ENO4: variants seen among roughly 807,000 people sequenced by gnomAD.
ENO4 encodes enolase 4, also known as 2-phospho-D-glycerate hydro-lyase.
ENO4 carries 53 observed loss-of-function variants against 63.2 expected under a neutral mutation model. The observed-to-expected ratio is 0.84, with a 90% confidence interval of 0.67 to 1.05. ENO4 has a LOEUF of 1.05. Ranked by LOEUF, ENO4 falls within the 50% of genes least tolerant of loss-of-function variation. The pLI, the probability that ENO4 is intolerant of heterozygous loss-of-function variation, is 0.00. For missense variants in ENO4, 719 were observed against 772.0 expected, an observed-to-expected ratio of 0.93 and a Z score of 0.81; for synonymous variants, 266 against 283.8, an observed-to-expected ratio of 0.94 and a Z score of 0.63.
intron 12 of ENO4, 95 bp from the exon 13 acceptor site, chr10:116,879,774 C>T: frequency 1.1e-6 from 1 of 937,484 alleles, no homozygotes; most frequent in Non-Finnish European, 1.6e-6. Context: ...TCCCAAACAG[C>T]ACACTGTGAC....
chr10:116,855,685 AC>A lies in ENO4; in HGVS notation c.229del (p.Leu77Ter), dbSNP rs945723120. On this transcript the variant is annotated frameshift_variant, in exon 2 of 14. Coordinates refer to ENST00000341276, the MANE Select transcript of ENO4 (RefSeq NM_001242699.2). LOFTEE classifies it high-confidence loss of function. ...TICKIVGKDV[L>X]DGLGLPTLQV... Reference sequence around the variant, plus strand: ...TATGCAAAATAGTGGGGAAAGACGTACTAGATGGACTGGGGCTTCCAACCCT... The same window carrying A: ...TATGCAAAATAGTGGGGAAAGACGTATAGATGGACTGGGGCTTCCAACCCT... The A allele has an allele frequency of 2.1e-5, 32 of 1,536,440 alleles. No homozygotes were observed. Among genetic ancestry groups the A allele is most frequent in the Non-Finnish European group, 2.6e-5 (30 of 1,147,006 alleles).
chr10:116,876,692 T>G, intron 11 of ENO4, among the ~76,000 whole-genome samples: 2 of 152,356 alleles, frequency 1.3e-5, no homozygotes, highest in South Asian at 4.1e-4. Flanking sequence ...GGCTCATGCC[T>G]GTAATCCCAG....
At chr10:116,849,973 G>A in intron 1 of ENO4, 2 of 666,416 alleles carry the variant, frequency 3.0e-6, no homozygotes, top group South Asian at 1.5e-5. Context: ...GGCGCTAGGC[G>A]TATTTGACCT....
intron 11 of ENO4, 42 bp from the exon 12 acceptor site, chr10:116,879,245 CCTAA>C (rs1223627415): frequency 5.7e-6 from 8 of 1,409,016 alleles, no homozygotes; most frequent in East Asian, 2.5e-5. Context: ...CCACATGTAT[CCTAA>C]CTTTCTACAC....
In ENO4 at chr10:116,880,317, T is replaced by TA. The variant is rs1179898937; in HGVS notation, c.1723+334dup. Among the ~76,000 whole-genome samples the TA allele has an allele frequency of 2.6e-5, 4 of 152,358 alleles. No homozygotes were observed. In the East Asian group the frequency reaches 7.7e-4, roughly 29 times the overall value. ...GTTTCCCTGCACAGCCCATGAAAGT[T>TA]AAAGGCAGACACTTTCCTGAGGGTT... On this transcript the variant is annotated intron_variant, in intron 13 of 13. Transcript: ENST00000341276.
rs182075141 is a variant in ENO4, at chr10:116,852,132, C to T, written c.165+2401C>T. ...CTGATGGTTTTATAAGGGGCTTCCC[C>T]GCTTCACTTTGCACTTCTCCTTCCC... On this transcript the variant is annotated intron_variant, in intron 1 of 13. Transcript: ENST00000341276. 8.6e-4 allele frequency among the ~76,000 whole-genome samples: 131 copies of T among 152,250 alleles called. 1 individual carries two copies. The South Asian group carries it at 0.015, about 17-fold the overall frequency.
intron 10 of ENO4, among the ~76,000 whole-genome samples, chr10:116,895,907 C>T (rs1847500315): frequency 6.6e-6 from 1 of 152,074 alleles, no homozygotes; most frequent in South Asian, 2.1e-4. Flanking sequence ...AAATAATAAA[C>T]AAAAGCACCT....
At chr10:116,906,706 G>C in intron 10 of ENO4, 1 of 1,612,960 alleles carries the variant, frequency 6.2e-7, no homozygotes, top group South Asian at 1.1e-5. Context: ...CAGGGTCAAG[G>C]GATTTTAAGC....
intron 1 of ENO4, 44 bp from the exon 2 acceptor site, chr10:116,855,579 A>G: frequency 1.3e-6 from 2 of 1,535,612 alleles, no homozygotes; most frequent in Non-Finnish European, 1.7e-6. Flanking sequence ...TCCCCAAACA[A>G]CAACTTGAAC....
chr10:116,868,420 G>C (rs1451724294), intron 7 of ENO4, among the ~76,000 whole-genome samples: 1 of 152,194 alleles, frequency 6.6e-6, no homozygotes, highest in Non-Finnish European at 1.5e-5. Flanking sequence ...CAGAGGGTAA[G>C]GATGAACTAA....
exon 11 of ENO4, chr10:116,911,527 G>T: frequency 6.4e-7 from 1 of 1,550,608 alleles, no homozygotes; most frequent in Non-Finnish European, 8.7e-7. Flanking sequence ...GTGATGCCAG[G>T]ATTGGAGGGC....
chr10:116,888,958 G>A (rs148474825), intron 10 of ENO4, among the ~76,000 whole-genome samples: 3 of 152,240 alleles, frequency 2.0e-5, no homozygotes, highest in African/African-American at 4.8e-5. Context: ...TCTGCAGATT[G>A]AGTCACCAGT....
intron 1 of ENO4, among the ~76,000 whole-genome samples, chr10:116,854,277 G>C (rs1188197688): frequency 6.6e-6 from 1 of 152,092 alleles, no homozygotes; most frequent in East Asian, 1.9e-4. Flanking sequence ...ATGAGCCCAT[G>C]TGCCGGGCGC....
At position 116,851,886 on chromosome 10, in the gene ENO4, T is replaced by C. The variant is rs200453032; in HGVS notation, c.165+2155T>C. 1.5e-4 allele frequency among the ~76,000 whole-genome samples: 23 copies of C among 152,234 alleles called. No individual in the cohort carries two copies. The East Asian group carries it at 2.5e-3, about 17-fold the overall frequency. ...ACCACATCTCCCCCTTGACTGGCAC[T>C]GAAACACTATACCTCCTCCAGTGTT... On this transcript the variant is annotated intron_variant, in intron 1 of 13. Transcript: ENST00000341276.
intron 11 of ENO4, among the ~76,000 whole-genome samples, chr10:116,879,081 T>C (rs1468871832): frequency 6.6e-6 from 1 of 152,154 alleles, no homozygotes; most frequent in Admixed American, 6.5e-5. Flanking sequence ...AGTATTCATT[T>C]AGTATTTACA....
At chr10:116,865,090 A>G (rs1846516506) in intron 7 of ENO4, among the ~76,000 whole-genome samples, 1 of 152,044 alleles carries the variant, frequency 6.6e-6, no homozygotes, top group Non-Finnish European at 1.5e-5. Flanking sequence ...TGCACAAATC[A>G]TTCTGCAAAT....
Position 116,879,704 on chromosome 10 carries a change from A to G in ENO4, c.1606-165A>G, listed in dbSNP as rs75200470. 1.3e-3 allele frequency among the ~76,000 whole-genome samples: 194 copies of G among 152,362 alleles called. 1 individual carries two copies. Among genetic ancestry groups the G allele is most frequent in the African/African-American group, 4.4e-3 (182 of 41,596 alleles). The stretch of plus-strand genomic sequence containing the variant: ...CAGCCACATCATCTGTTTGCCTTTC[A>G]GCACTCTCAGCTTGTAGGCCACTGT... On this transcript the variant is annotated intron_variant, in intron 12 of 13. Transcript: ENST00000341276.
chr10:116,855,346 C>A (rs11596597), intron 1 of ENO4, among the ~76,000 whole-genome samples: 14,486 of 152,096 alleles, frequency 0.095, 942 homozygotes, highest in Non-Finnish European at 0.14. Flanking sequence ...GAAACGTATG[C>A]AAGTTTCTGT....
At chr10:116,853,546 TAAAG>T (rs1320661427) in intron 1 of ENO4, among the ~76,000 whole-genome samples, 3 of 152,198 alleles carry the variant, frequency 2.0e-5, no homozygotes, top group Non-Finnish European at 2.9e-5. Flanking sequence ...GATATAGTGA[TAAAG>T]AAGTCATTCT....
Sources: gnomAD v4.1 joint callset for allele counts (sites outside exome capture counted in the v4.1 genomes callset) on GRCh38, gnomAD v4.1.1 for gene constraint, MANE v1.5 for transcripts, NCBI Gene and HGNC (gene_info 2026-07-23, HGNC 2026-07-21) for gene names.